The following EXT1 variants were observed in gnomAD, a reference collection of about 807,000 sequenced individuals.
EXT1 encodes exostosin glycosyltransferase 1.
EXT1 carries 20 observed loss-of-function variants against 82.5 expected under a neutral mutation model. The ratio of observed to expected loss-of-function variants is 0.24; its 90% CI spans 0.17 to 0.35. The LOEUF (loss-of-function observed/expected upper bound fraction) is 0.35, where lower values mean the gene tolerates loss of function less well. EXT1 is among the 10% of genes least tolerant of loss of function. The pLI is 1.00. For missense variants in EXT1, 757 were observed against 936.5 expected (o/e 0.81, Z 2.50); for synonymous variants, 348 against 350.8 (o/e 0.99, Z 0.09).
At chr8:117,963,467 TGTGGTG>T (rs1268505055) in intron 1 of EXT1, among the ~76,000 whole-genome samples, 1 of 152,070 alleles carries the variant, frequency 6.6e-6, no homozygotes, top group African/African-American at 2.4e-5. Flanking sequence ...CGAGTTTTGT[TGTGGTG>T]GTGGTGGTGG....
intron 1 of EXT1, among the ~76,000 whole-genome samples, chr8:117,909,516 A>AT (rs1013437140): frequency 9.2e-5 from 14 of 152,208 alleles, no homozygotes; most frequent in Non-Finnish European, 1.8e-4. Flanking sequence ...AAAAATATGT[A>AT]TTTTTTTGTT....
intron 1 of EXT1, among the ~76,000 whole-genome samples, chr8:117,966,470 G>C (rs1025617065): frequency 6.6e-6 from 1 of 152,136 alleles, no homozygotes; most frequent in African/African-American, 2.4e-5. Context: ...AAAGAAACTG[G>C]GAGGTCGGAA....
chr8:117,974,263 A>G (rs890007703), intron 1 of EXT1, among the ~76,000 whole-genome samples: 1 of 152,222 alleles, frequency 6.6e-6, no homozygotes, highest in African/African-American at 2.4e-5. Context: ...GATCAATTCA[A>G]AATATACAAC....
chr8:118,068,400 G>A (rs1210792506), intron 1 of EXT1, among the ~76,000 whole-genome samples: 2 of 152,200 alleles, frequency 1.3e-5, no homozygotes, highest in East Asian at 3.8e-4. Flanking sequence ...GTGCCATGGT[G>A]GTTTGCTGCA....
chr8:117,861,599 T>C (rs1812687990), intron 1 of EXT1, among the ~76,000 whole-genome samples: 1 of 122,772 alleles, frequency 8.1e-6, no homozygotes, highest in Admixed American at 8.6e-5. Context: ...GGTTCAAGTT[T>C]TTCTTGCACC....
intron 1 of EXT1, among the ~76,000 whole-genome samples, chr8:118,096,871 A>G (rs1339792702): frequency 5.9e-5 from 9 of 152,216 alleles, no homozygotes. Flanking sequence ...AAAGACAGTA[A>G]CATTTAGAGA....
chr8:118,057,073 C>T (rs981013556), intron 1 of EXT1, among the ~76,000 whole-genome samples: 4 of 152,190 alleles, frequency 2.6e-5, no homozygotes, highest in Admixed American at 6.5e-5. Flanking sequence ...GACAGGACTG[C>T]TCTCCTCCTC....
At chr8:118,050,692 T>C (rs1193595306) in intron 1 of EXT1, among the ~76,000 whole-genome samples, 1 of 152,248 alleles carries the variant, frequency 6.6e-6, no homozygotes, top group Non-Finnish European at 1.5e-5. Context: ...GATTTTCATA[T>C]AATTTTCACA....
At chr8:117,963,597 T>C (rs1423415774) in intron 1 of EXT1, among the ~76,000 whole-genome samples, 2 of 152,120 alleles carry the variant, frequency 1.3e-5, no homozygotes, top group African/African-American at 2.4e-5. Context: ...TTCAAGCGAT[T>C]CTCTTGCCTC....
chr8:118,029,001 A>G (rs1378059722), intron 1 of EXT1, among the ~76,000 whole-genome samples: 1 of 152,240 alleles, frequency 6.6e-6, no homozygotes, highest in African/African-American at 2.4e-5. Context: ...ATATATCAAT[A>G]TACATTAAAA....
chr8:117,822,808 T>C (rs578119720), intron 4 of EXT1, among the ~76,000 whole-genome samples: 1 of 152,284 alleles, frequency 6.6e-6, no homozygotes, highest in East Asian at 1.9e-4. Flanking sequence ...TTATAGCCAA[T>C]CAAATTTCCT....
intron 1 of EXT1, among the ~76,000 whole-genome samples, chr8:118,053,847 T>C (rs1465101032): frequency 6.6e-6 from 1 of 152,216 alleles, no homozygotes; most frequent in African/African-American, 2.4e-5. Flanking sequence ...CATTCTATTA[T>C]TTTAAATGAA....
intron 1 of EXT1, among the ~76,000 whole-genome samples, chr8:118,038,931 T>C (rs11562661): frequency 0.02 from 3,081 of 152,332 alleles, 107 homozygotes; most frequent in African/African-American, 0.07. Flanking sequence ...TCATATGGAC[T>C]ATTCATTTCT....
At chr8:117,828,214 GAATT>G (rs1275028256) in intron 4 of EXT1, among the ~76,000 whole-genome samples, 2 of 152,006 alleles carry the variant, frequency 1.3e-5, no homozygotes, top group African/African-American at 2.4e-5. Flanking sequence ...TTACATGAAT[GAATT>G]ATTTTATATT....
intron 1 of EXT1, among the ~76,000 whole-genome samples, chr8:117,981,513 A>T (rs1815202398): frequency 1.3e-5 from 2 of 152,250 alleles, no homozygotes; most frequent in Admixed American, 1.3e-4. Flanking sequence ...CAAGGCAAGC[A>T]GCATGGAGCT....
Position 117,917,456 on chromosome 8 carries a change from C to T in EXT1, c.963-80255G>A, listed in dbSNP as rs550297535. On this transcript the variant is annotated intron_variant, in intron 1 of 10. Transcript: ENST00000378204. ...CTCCAGCCTGGACGACAGAGTGAGA[C>T]GCCATCTCAAAAAATAAAAATAAAA... Among the ~76,000 whole-genome samples the T allele has an allele frequency of 9.0e-4, 137 of 152,230 alleles. 1 individual carries two copies. The Middle Eastern group carries it at 0.01, about 11-fold the overall frequency.
At chr8:117,808,129 A>G (rs1273042841) in intron 8 of EXT1, among the ~76,000 whole-genome samples, 1 of 152,250 alleles carries the variant, frequency 6.6e-6, no homozygotes, top group Non-Finnish European at 1.5e-5. Context: ...CAGCACTTAT[A>G]GTTAGCAAGT....
intron 1 of EXT1, among the ~76,000 whole-genome samples, chr8:118,060,487 C>A (rs1017449319): frequency 2.6e-5 from 4 of 152,186 alleles, no homozygotes; most frequent in African/African-American, 9.7e-5. Context: ...CTCATAACAT[C>A]TACCTGGGCC....
chr8:117,963,059 C>T (rs991076765), intron 1 of EXT1, among the ~76,000 whole-genome samples: 1 of 152,204 alleles, frequency 6.6e-6, no homozygotes, highest in African/African-American at 2.4e-5. Context: ...ATCTGAGCTG[C>T]TCTCCCACCA....
Sources: allele counts gnomAD v4.1 joint callset (sites outside exome capture counted in the v4.1 genomes callset), GRCh38; gene constraint gnomAD v4.1.1; transcripts MANE v1.5; gene names NCBI Gene and HGNC (gene_info 2026-07-23, HGNC 2026-07-21).